The following IGF2BP2 variants were observed in gnomAD, a reference collection of about 807,000 sequenced individuals.
The protein encoded by IGF2BP2 is insulin-like growth factor 2 mRNA-binding protein 2.
Under a neutral mutation model 75.8 loss-of-function variants are expected in IGF2BP2, and 17 were observed. The observed-to-expected ratio is 0.22, with a 90% CI of 0.15 to 0.34. The LOEUF is 0.34. Among genes scored for constraint, IGF2BP2 ranks in the 10% least tolerant of loss-of-function variants. The pLI is 1.00. For synonymous variants in IGF2BP2, 288 were observed against 295.6 expected (o/e 0.97, Z 0.26); for missense variants, 516 against 772.4 (o/e 0.67, Z 3.93).
chr3:185,661,335 T>C (rs747761598), intron 10 of IGF2BP2, among the ~76,000 whole-genome samples: 5 of 152,128 alleles, frequency 3.3e-5, no homozygotes, highest in Non-Finnish European at 7.4e-5. Flanking sequence ...TGTTCATTCA[T>C]TCATTCAAAA....
At chr3:185,733,554 C>T (rs1728462914) in intron 2 of IGF2BP2, among the ~76,000 whole-genome samples, 1 of 152,144 alleles carries the variant, frequency 6.6e-6, no homozygotes, top group Non-Finnish European at 1.5e-5. Context: ...GTCGGGAGTT[C>T]GAGACCAGCC....
chr3:185,708,355 C>T (rs552856025), intron 2 of IGF2BP2, among the ~76,000 whole-genome samples: 33 of 152,238 alleles, frequency 2.2e-4, no homozygotes, highest in African/African-American at 7.5e-4. Flanking sequence ...AACGTGCCTT[C>T]GGAAGGATGT....
intron 2 of IGF2BP2, among the ~76,000 whole-genome samples, chr3:185,738,561 A>G (rs1199225465): frequency 6.6e-6 from 1 of 152,194 alleles, no homozygotes; most frequent in Non-Finnish European, 1.5e-5. Flanking sequence ...AGGCAGAGGA[A>G]CCAGTTGTTG....
At chr3:185,740,977 A>G (rs961951627) in intron 2 of IGF2BP2, among the ~76,000 whole-genome samples, 1 of 152,200 alleles carries the variant, frequency 6.6e-6, no homozygotes, top group African/African-American at 2.4e-5. Flanking sequence ...TCCCAGGTTC[A>G]AGCAATTCTC....
In IGF2BP2 at chr3:185,716,481, T is replaced by G; in HGVS notation, c.240-18134A>C. On this transcript the variant is annotated intron_variant, in intron 2 of 15. Coordinates refer to ENST00000382199, the MANE Select transcript of IGF2BP2 (RefSeq NM_006548.6). ...TCTCAGAGGTCTCTTCTTATGTCTC[T>G]GCTAACAATAAAAAGAACAGCTTTT... is the stretch of plus-strand genomic sequence containing the variant. The G allele has an allele frequency of 3.8e-6, 2 of 520,094 alleles. 1 individual carries two copies. Among genetic ancestry groups the G allele is most frequent in the South Asian group, 2.8e-5 (2 of 71,574 alleles). The allele number at this position is 520,094 out of a possible 1,614,324, so 32.2% of individuals were successfully genotyped here. A position where few individuals can be genotyped will look rare whatever the true frequency, so the allele number is the denominator to read the frequency against.
At chr3:185,803,505 G>A (rs766422195) in intron 2 of IGF2BP2, among the ~76,000 whole-genome samples, 11 of 152,114 alleles carry the variant, frequency 7.2e-5, no homozygotes, top group Admixed American at 1.3e-4. Context: ...TTCACTTTCT[G>A]TTGATTAAAG....
Position 185,825,032 on chromosome 3 carries a change from C to G in IGF2BP2, c.-72G>C. The G allele has an allele frequency of 1.6e-6, 2 of 1,261,254 alleles. No homozygotes were observed. The highest frequency in any genetic ancestry group is 2.1e-6 in the Non-Finnish European group (2 of 944,992). The allele number at this position is 1,261,254 out of a possible 1,614,324, so 78.1% of individuals were successfully genotyped here. A position where few individuals can be genotyped will look rare whatever the true frequency, so the allele number is the denominator to read the frequency against. On this transcript the variant is annotated 5_prime_UTR_variant, in exon 1 of 16. Transcript: ENST00000382199. ...CGCTCCTCGCCTCCTCCGCTGCCCT[C>G]GTCTCTCCTCCTCCTCCGCCCCCCC...
chr3:185,703,202 C>T lies in IGF2BP2; in HGVS notation c.240-4855G>A, dbSNP rs937907307. On this transcript the variant is annotated intron_variant, in intron 2 of 15. Coordinates refer to ENST00000382199, the MANE Select transcript of IGF2BP2 (RefSeq NM_006548.6). ...TAAAATATATGTAATCCCAGCTCAT[C>T]TAACTAATTTATAGTTGACGGGTTC... Among the ~76,000 whole-genome samples, 9 of 152,360 alleles carry T rather than the reference C, an allele frequency of 5.9e-5. 1 individual carries two copies. The highest frequency in any genetic ancestry group is 1.9e-4 in the African/African-American group (8 of 41,588).
At chr3:185,765,144 G>GAA (rs1428337158) in intron 2 of IGF2BP2, among the ~76,000 whole-genome samples, 2 of 152,142 alleles carry the variant, frequency 1.3e-5, no homozygotes, top group Non-Finnish European at 2.9e-5. Context: ...CCTCAAAATA[G>GAA]AAAGCAAGTT....
Position 185,716,507 on chromosome 3 carries a change from G to A in IGF2BP2, c.240-18160C>T, listed in dbSNP as rs115744239. ...GCTAACAATAAAAAGAACAGCTTTT[G>A]GGGAAGTGGGCTGCTTTATCCTGTA... On this transcript the variant is annotated intron_variant, in intron 2 of 15. Coordinates refer to ENST00000382199, the MANE Select transcript of IGF2BP2 (RefSeq NM_006548.6). The A allele has an allele frequency of 4.2e-4, 216 of 520,108 alleles. 1 individual carries two copies. The highest frequency in any genetic ancestry group is 3.6e-3 in the African/African-American group (187 of 52,068). 32.2% of individuals were successfully genotyped at this position (520,108 alleles called of 1,614,324 possible).
At chr3:185,688,273 A>G (rs746209081) in intron 6 of IGF2BP2, among the ~76,000 whole-genome samples, 1 of 152,198 alleles carries the variant, frequency 6.6e-6, no homozygotes, top group Non-Finnish European at 1.5e-5. Flanking sequence ...TTTCATATTA[A>G]TTATTTCACT....
At chr3:185,781,769 T>A (rs1045122285) in intron 2 of IGF2BP2, among the ~76,000 whole-genome samples, 9 of 152,124 alleles carry the variant, frequency 5.9e-5, no homozygotes, top group African/African-American at 2.2e-4. Context: ...AGTTGGGTCA[T>A]AAGTTGTTTG....
chr3:185,790,241 C>T (rs6765808), intron 2 of IGF2BP2, among the ~76,000 whole-genome samples: 67,988 of 151,984 alleles, frequency 0.45, 18,165 homozygotes, highest in African/African-American at 0.77. Context: ...ACAGGCAGAT[C>T]TGACATAAAG....
chr3:185,808,051 A>G (rs971904151), intron 2 of IGF2BP2, among the ~76,000 whole-genome samples: 1 of 151,610 alleles, frequency 6.6e-6, no homozygotes, highest in African/African-American at 2.4e-5. Context: ...AGGCTGAGGT[A>G]GGAGAATAGC....
At chr3:185,761,037 T>C (rs1334020123) in intron 2 of IGF2BP2, among the ~76,000 whole-genome samples, 1 of 152,200 alleles carries the variant, frequency 6.6e-6, no homozygotes, top group Non-Finnish European at 1.5e-5. Flanking sequence ...AAAGAATGAA[T>C]GCATAACATT....
chr3:185,676,204 T>C (rs894054928), intron 7 of IGF2BP2, among the ~76,000 whole-genome samples: 2 of 152,120 alleles, frequency 1.3e-5, no homozygotes, highest in East Asian at 1.9e-4. Flanking sequence ...AAGAATGTTC[T>C]CCTTGCTCTT....
chr3:185,675,309 A>G lies in IGF2BP2; in HGVS notation c.1058T>C (p.Met353Thr), dbSNP rs145666675. ...KKLREAFEND[M>T]LAVNQQANLI... Reference sequence around the variant, plus strand: ...TTAGGGACTTACGTTAACAGCCAGCATATCATTTTCAAAGGCCTCACGCAG... The same window carrying G: ...TTAGGGACTTACGTTAACAGCCAGCGTATCATTTTCAAAGGCCTCACGCAG... Residue 353 changes from methionine to threonine, a missense_variant, in exon 9 of 16, where the codon ATG (methionine) becomes ACG (threonine). Coordinates refer to ENST00000382199, the MANE Select transcript of IGF2BP2 (RefSeq NM_006548.6). 3 of 1,609,088 alleles carry G rather than the reference A, an allele frequency of 1.9e-6. No individual in the cohort carries two copies. Among genetic ancestry groups the G allele is most frequent in the South Asian group, 1.1e-5 (1 of 90,114 alleles).
At chr3:185,675,056 C>A in intron 9 of IGF2BP2, 8 of 181,936 alleles carry the variant, frequency 4.4e-5, no homozygotes, top group Middle Eastern at 2.0e-3. Flanking sequence ...TTAATAAACA[C>A]TATATCATAA....
At chr3:185,657,144 A>C in intron 12 of IGF2BP2, 142 bp downstream of exon 12, 1 of 588,362 alleles carries the variant, frequency 1.7e-6, no homozygotes, top group Non-Finnish European at 3.0e-6. Context: ...GCGGACGGGA[A>C]TAGTCATGGG....
Sources: allele counts gnomAD v4.1 joint callset (sites outside exome capture counted in the v4.1 genomes callset), GRCh38; gene constraint gnomAD v4.1.1; transcripts MANE v1.5; gene names NCBI Gene and HGNC (gene_info 2026-07-23, HGNC 2026-07-21).